SMC1A: variants seen among roughly 807,000 people sequenced by gnomAD.
SMC1A encodes structural maintenance of chromosomes 1A.
In SMC1A, 4 loss-of-function variants were observed where a neutral mutation model predicts 94.5. That is an observed-to-expected ratio of 0.04 (90% CI 0.02 to 0.10). SMC1A has a LOEUF of 0.10. SMC1A is among the 10% of genes least tolerant of loss of function. The pLI is 1.00. For synonymous variants in SMC1A, 345 were observed against 347.7 expected, an observed-to-expected ratio of 0.99 and a Z score of 0.09; for missense variants, 304 against 989.0, an observed-to-expected ratio of 0.31 and a Z score of 9.29.
chrX:53,381,326 C>G (rs1556885865), intron 22 of SMC1A, among the ~76,000 whole-genome samples: 1 of 112,185 alleles, frequency 8.9e-6, no homozygotes, highest in Non-Finnish European at 1.9e-5. Context: ...ACATGGTCCC[C>G]TCAGGAGCTT....
At chrX:53,410,574 T>A (rs1556890348) in intron 7 of SMC1A, among the ~76,000 whole-genome samples, 1 of 108,745 alleles carries the variant, frequency 9.2e-6, no homozygotes. Context: ...CCAAGGCGGG[T>A]GGATCACCTG....
intron 18 of SMC1A, among the ~76,000 whole-genome samples, 166 bp from the exon 19 acceptor site, chrX:53,395,054 G>A (rs1227328722): frequency 8.9e-6 from 1 of 112,482 alleles, no homozygotes; most frequent in Non-Finnish European, 1.9e-5. Context: ...TCAAAATTGA[G>A]CTCTATGGCC....
rs782766524 is a variant in SMC1A, at chrX:53,382,671, G to A, written c.3131-11C>T. ...GGGCTGCTTCAAACTCTGCCAGAAA[G>A]AAAGACAGGAGACCCCTCAGTGCCC... On this transcript the variant is annotated splice_polypyrimidine_tract_variant and intron_variant, in intron 20 of 24. Transcript: ENST00000322213. 3 of 1,211,151 alleles carry A rather than the reference G, an allele frequency of 2.5e-6. No homozygotes were observed. The highest frequency in any genetic ancestry group is 2.2e-6 in the Non-Finnish European group (2 of 895,376).
chrX:53,385,721 T>A, intron 19 of SMC1A, among the ~76,000 whole-genome samples: 1 of 111,547 alleles, frequency 9.0e-6, no homozygotes, highest in African/African-American at 3.3e-5. Flanking sequence ...AATTAAAGGG[T>A]TATCTATCGA....
intron 9 of SMC1A, 115 bp from the exon 10 acceptor site, chrX:53,406,071 G>T: frequency 1.5e-6 from 1 of 679,169 alleles, no homozygotes; most frequent in Non-Finnish European, 2.3e-6. Flanking sequence ...GGAAGTGAAT[G>T]CAACTGTATT....
In SMC1A at chrX:53,384,295, G is replaced by A. The variant is rs782480875; in HGVS notation, c.2974-1042C>T. Among the ~76,000 whole-genome samples, 6 of 102,956 alleles carry A rather than the reference G, an allele frequency of 5.8e-5. No homozygotes were observed. In the South Asian group the frequency reaches 2.7e-3, roughly 47 times the overall value. 89.4% of individuals were successfully genotyped at this position (102,956 alleles called of 115,157 possible). A position where few individuals can be genotyped will look rare whatever the true frequency, so the allele number is the denominator to read the frequency against. On this transcript the variant is annotated intron_variant, in intron 19 of 24. Coordinates refer to ENST00000322213, the MANE Select transcript of SMC1A (RefSeq NM_006306.4). ...TTTTTTTTTTTGGAGACAGAGTCTC[G>A]CTCTATTACCCAAGCTGGAGTGCAA...
At chrX:53,412,861 T>C (rs782620634) in intron 5 of SMC1A, 39 bp downstream of exon 5, 9 of 1,209,438 alleles carry the variant, frequency 7.4e-6, no homozygotes, top group Non-Finnish European at 1.0e-5. Flanking sequence ...CACGGCCTCT[T>C]GGTTTCCCAC....
chrX:53,389,138 G>T (rs1283879103), intron 19 of SMC1A, among the ~76,000 whole-genome samples: 3 of 106,446 alleles, frequency 2.8e-5, no homozygotes, highest in Non-Finnish European at 5.8e-5. Flanking sequence ...TTTTGGTCGG[G>T]GGGGTGAAGG....
chrX:53,409,145 G>A lies in SMC1A; in HGVS notation c.1462C>T (p.Arg488Cys). 8.3e-7 allele frequency: 1 copy of A among 1,211,407 alleles called. No individual in the cohort carries two copies. The highest frequency in any genetic ancestry group is 1.1e-6 in the Non-Finnish European group (1 of 895,392). Reference protein sequence around the residue: ...NQVMEQLGDARIDRQESSRQQ... With the variant: ...NQVMEQLGDACIDRQESSRQQ... Reference sequence around the variant, plus strand: ...CGGCTGCTCTCCTGGCGGTCGATGCGGGCATCCCCTAGCTGCTCCATCACC... The same window carrying A: ...CGGCTGCTCTCCTGGCGGTCGATGCAGGCATCCCCTAGCTGCTCCATCACC... The change falls in exon 9 of 25, where the codon CGC (arginine) becomes TGC (cysteine). Residue 488 changes from arginine (R) to cysteine (C), a missense_variant. By Grantham distance (180) the Arg-to-Cys change is radical (BLOSUM62 -3). Transcript: ENST00000322213.
At chrX:53,390,117 T>TA (rs1283771908) in intron 19 of SMC1A, among the ~76,000 whole-genome samples, 1 of 104,301 alleles carries the variant, frequency 9.6e-6, no homozygotes, top group African/African-American at 3.5e-5. Context: ...GTGCTGGGAT[T>TA]ACAGGCGTGA....
At chrX:53,416,636 C>T (rs1472481421) in intron 1 of SMC1A, among the ~76,000 whole-genome samples, 2 of 110,657 alleles carry the variant, frequency 1.8e-5, no homozygotes, top group African/African-American at 6.6e-5. Flanking sequence ...GTGATTCGCC[C>T]ACCTCGGCCT....
chrX:53,388,912 G>A (rs1217019948), intron 19 of SMC1A, among the ~76,000 whole-genome samples: 1 of 104,512 alleles, frequency 9.6e-6, no homozygotes, highest in Non-Finnish European at 2.0e-5. Flanking sequence ...CAGGAGAATG[G>A]CATGAACCTG....
Position 53,380,008 on chromosome X carries a change from G to C in SMC1A, c.*95C>G. ...AAATCCCATGACTACACCAAAAAGG[G>C]CCAGGAGGTAGGGGGAAGGTTGGGA... On this transcript the variant is annotated 3_prime_UTR_variant, in exon 25 of 25. Transcript: ENST00000322213. 1 of 618,915 alleles carries C rather than the reference G, an allele frequency of 1.6e-6. No homozygotes were observed. Among genetic ancestry groups the C allele is most frequent in the Non-Finnish European group, 2.7e-6 (1 of 365,614 alleles). 51.0% of individuals were successfully genotyped at this position (618,915 alleles called of 1,213,427 possible).
Position 53,381,094 on chromosome X carries a change from G to T in SMC1A, c.3438-7C>A. ...GAAGGGGGCTGGCTTGTAGCTGGGA[G>T]GGAACCAGTAGGTGAGCTGACACTG... is the stretch of plus-strand genomic sequence containing the variant. On this transcript the variant is annotated splice_region_variant and splice_polypyrimidine_tract_variant and intron_variant, in intron 22 of 24. Transcript: ENST00000322213. The T allele has an allele frequency of 8.4e-7, 1 of 1,183,945 alleles. No individual in the cohort carries two copies. Among genetic ancestry groups the T allele is most frequent in the Non-Finnish European group, 1.1e-6 (1 of 870,290 alleles).
intron 1 of SMC1A, among the ~76,000 whole-genome samples, chrX:53,420,332 T>C (rs1268061862): frequency 1.8e-5 from 2 of 110,555 alleles, no homozygotes; most frequent in African/African-American, 6.6e-5. Flanking sequence ...GAGACCAGCC[T>C]GGCCAACTGG....
In SMC1A at chrX:53,403,487, G is replaced by T; in HGVS notation, c.2420+79C>A. ...GTTCTAAGAGCTGACCCTTGCCTATGACAGCATCTGGTTTTCCAAGGATGT... is the reference window on the plus strand; with the variant it reads ...GTTCTAAGAGCTGACCCTTGCCTATTACAGCATCTGGTTTTCCAAGGATGT... On this transcript the variant is annotated intron_variant, in intron 15 of 24. Transcript: ENST00000322213. The T allele has an allele frequency of 3.9e-6, 3 of 773,099 alleles. 1 individual carries two copies. Among genetic ancestry groups the T allele is most frequent in the Non-Finnish European group, 2.0e-6 (1 of 512,448 alleles). The allele number at this position is 773,099 out of a possible 1,213,427, so 63.7% of individuals were successfully genotyped here.
intron 15 of SMC1A, among the ~76,000 whole-genome samples, chrX:53,401,780 T>C (rs185993648): frequency 3.5e-4 from 39 of 111,208 alleles, no homozygotes; most frequent in Admixed American, 9.6e-4. Context: ...AGGACATCTA[T>C]AGATTTCCAC....
At chrX:53,409,916 A>T (rs1028698182) in intron 7 of SMC1A, among the ~76,000 whole-genome samples, 1 of 112,148 alleles carries the variant, frequency 8.9e-6, no homozygotes, top group Non-Finnish European at 1.9e-5. Context: ...TTTTTAAAAA[A>T]TTTTTATTAT....
Position 53,396,626 on chromosome X carries a change from A to C in SMC1A, c.2563-9T>G. On this transcript the variant is annotated splice_polypyrimidine_tract_variant and intron_variant, in intron 16 of 24. Coordinates refer to ENST00000322213, the MANE Select transcript of SMC1A (RefSeq NM_006306.4). Reference sequence around the variant, plus strand: ...ATGTGTCTTTGTTCCTCCTGGTCCCAGCAGTGGGAACAGGACAATAGGTGA... The same window carrying C: ...ATGTGTCTTTGTTCCTCCTGGTCCCCGCAGTGGGAACAGGACAATAGGTGA... 5.0e-6 allele frequency: 6 copies of C among 1,205,745 alleles called. No individual in the cohort carries two copies. Among genetic ancestry groups the C allele is most frequent in the Non-Finnish European group, 6.7e-6 (6 of 894,352 alleles).
Sources: gnomAD v4.1 joint callset for allele counts (sites outside exome capture counted in the v4.1 genomes callset) on GRCh38, gnomAD v4.1.1 for gene constraint, MANE v1.5 for transcripts, NCBI Gene and HGNC (gene_info 2026-07-23, HGNC 2026-07-21) for gene names.